The following PTPRD variants were observed in gnomAD, a reference collection of about 807,000 sequenced individuals.
The protein encoded by PTPRD is receptor-type tyrosine-protein phosphatase delta.
A neutral mutation model predicts 214.5 loss-of-function variants in PTPRD; 34 were observed. The observed-to-expected ratio is 0.16, with a 90% CI of 0.12 to 0.21. PTPRD has a LOEUF of 0.21. PTPRD is among the 10% of genes least tolerant of loss of function. PTPRD has a pLI of 1.00. For missense variants in PTPRD, 2,545 were observed against 2,398.7 expected, an observed-to-expected ratio of 1.06 and a Z score of -1.27; for synonymous variants, 1,128 against 845.7, an observed-to-expected ratio of 1.33 and a Z score of -5.79.
chr9:10,236,259 G>A (rs554173649), intron 3 of PTPRD, among the ~76,000 whole-genome samples: 1 of 151,962 alleles, frequency 6.6e-6, no homozygotes, highest in Admixed American at 6.6e-5. Context: ...GATTTAATTG[G>A]CAAATGGATC....
intron 11 of PTPRD, among the ~76,000 whole-genome samples, chr9:8,873,437 G>A (rs2098336296): frequency 6.6e-6 from 1 of 152,144 alleles, no homozygotes. Context: ...GATTGAAGAG[G>A]ATTGATTTCC....
intron 8 of PTPRD, among the ~76,000 whole-genome samples, chr9:9,449,880 C>G (rs1006434571): frequency 2.6e-5 from 4 of 151,878 alleles, no homozygotes; most frequent in African/African-American, 9.7e-5. Context: ...TTATCCCTCA[C>G]TCCAACCCAC....
At chr9:9,406,735 A>G (rs1013202409) in intron 8 of PTPRD, among the ~76,000 whole-genome samples, 5 of 151,872 alleles carry the variant, frequency 3.3e-5, no homozygotes, top group African/African-American at 1.2e-4. Context: ...GCTTGAGGAA[A>G]GAGTCTGTGG....
At chr9:9,600,462 C>T (rs1009221839) in intron 7 of PTPRD, among the ~76,000 whole-genome samples, 45 of 152,052 alleles carry the variant, frequency 3.0e-4, no homozygotes, top group African/African-American at 7.2e-4. Context: ...GGTACATCAT[C>T]GAGAATCAAC....
At chr9:10,475,476 T>C (rs1200287716) in intron 2 of PTPRD, among the ~76,000 whole-genome samples, 1 of 151,836 alleles carries the variant, frequency 6.6e-6, no homozygotes, top group Non-Finnish European at 1.5e-5. Flanking sequence ...AGTTCTGAAA[T>C]TGAGGAAATA....
chr9:10,258,794 G>C (rs1418413518), intron 3 of PTPRD, among the ~76,000 whole-genome samples: 1 of 151,946 alleles, frequency 6.6e-6, no homozygotes, highest in African/African-American at 2.4e-5. Flanking sequence ...AAAACAAGTG[G>C]TTAAAAATTC....
intron 5 of PTPRD, among the ~76,000 whole-genome samples, chr9:9,908,793 G>C (rs896262528): frequency 6.6e-6 from 1 of 151,772 alleles, no homozygotes; most frequent in African/African-American, 2.4e-5. Context: ...ACTTATCTTT[G>C]GGAAGTTTTT....
At chr9:9,978,319 G>C (rs979285232) in intron 4 of PTPRD, among the ~76,000 whole-genome samples, 1 of 152,030 alleles carries the variant, frequency 6.6e-6, no homozygotes, top group Non-Finnish European at 1.5e-5. Context: ...GGAGAACATA[G>C]ATTAAAAGAT....
chr9:9,559,419 TC>T (rs1416819731), intron 8 of PTPRD, among the ~76,000 whole-genome samples: 2 of 152,218 alleles, frequency 1.3e-5, no homozygotes, highest in Non-Finnish European at 2.9e-5. Flanking sequence ...TTCCAACTGC[TC>T]CAGCATTGTT....
intron 5 of PTPRD, among the ~76,000 whole-genome samples, chr9:9,864,320 G>C (rs964999526): frequency 2.0e-5 from 3 of 147,184 alleles, no homozygotes; most frequent in African/African-American, 7.8e-5. Flanking sequence ...AAAAGAAAAA[G>C]AGAAAGATTA....
At chr9:8,847,743 A>T (rs2097726853) in intron 11 of PTPRD, among the ~76,000 whole-genome samples, 1 of 124,826 alleles carries the variant, frequency 8.0e-6, no homozygotes, top group Non-Finnish European at 1.6e-5. Flanking sequence ...AAACTATTAT[A>T]AAATAGGTTA....
Position 10,282,318 on chromosome 9 carries a change from T to A in PTPRD, c.-545+58645A>T, listed in dbSNP as rs371619520. Among the ~76,000 whole-genome samples the A allele has an allele frequency of 2.0e-5, 3 of 152,186 alleles. No homozygotes were observed. The South Asian group carries it at 6.2e-4, about 32-fold the overall frequency. On this transcript the variant is annotated intron_variant, in intron 3 of 45. Transcript: ENST00000381196. ...TATGGAAATGCTTTTTGAGAATGAA[T>A]GTTAATTGTTCAATACAGAACTTTG...
At chr9:8,827,668 C>T (rs2097203701) in intron 11 of PTPRD, among the ~76,000 whole-genome samples, 2 of 152,032 alleles carry the variant, frequency 1.3e-5, no homozygotes, top group Non-Finnish European at 2.9e-5. Context: ...TTTTTCCCCT[C>T]ATAAAGTAAT....
In PTPRD at chr9:8,526,272, A is replaced by G. The variant is rs2074106810; in HGVS notation, c.568+355T>C. On this transcript the variant is annotated intron_variant, in intron 17 of 45. Coordinates refer to ENST00000381196, the MANE Select transcript of PTPRD (RefSeq NM_002839.4). ...GGACAAAAAAAAAGGAAAAAGAAGA[A>G]AAAAAAAAAGAAAAAGGAAAAAGGA... is the stretch of plus-strand genomic sequence containing the variant. Among the ~76,000 whole-genome samples, 6 of 149,778 alleles carry G rather than the reference A, an allele frequency of 4.0e-5. No homozygotes were observed. The South Asian group carries it at 1.3e-3, about 32-fold the overall frequency.
At chr9:8,692,403 C>G (rs1233953308) in intron 12 of PTPRD, among the ~76,000 whole-genome samples, 2 of 152,164 alleles carry the variant, frequency 1.3e-5, no homozygotes, top group Non-Finnish European at 2.9e-5. Context: ...TCTTCAGAAG[C>G]CACCTCCATT....
chr9:9,497,942 A>T (rs1285424782), intron 8 of PTPRD, among the ~76,000 whole-genome samples: 1 of 152,166 alleles, frequency 6.6e-6, no homozygotes, highest in Non-Finnish European at 1.5e-5. Context: ...AGGTCAATTT[A>T]AATGATTCAC....
intron 9 of PTPRD, among the ~76,000 whole-genome samples, chr9:9,317,227 G>A (rs1178424266): frequency 6.6e-6 from 1 of 152,040 alleles, no homozygotes; most frequent in African/African-American, 2.4e-5. Context: ...TTCCAAGAAT[G>A]GCATTACTCA....
chr9:8,439,935 ATTTTTTTTTTTTTT>A (rs1166530719), intron 34 of PTPRD, among the ~76,000 whole-genome samples: 15 of 73,322 alleles, frequency 2.0e-4, no homozygotes, highest in Middle Eastern at 0.011. Flanking sequence ...ATGTGCTTTA[ATTTTTTTTTTTTTT>A]TTTTTTTTTT....
At chr9:9,693,466 C>G (rs761271204) in intron 7 of PTPRD, among the ~76,000 whole-genome samples, 3 of 152,110 alleles carry the variant, frequency 2.0e-5, no homozygotes, top group Non-Finnish European at 2.9e-5. Flanking sequence ...CCGCCATGTG[C>G]AACTATGAGT....
Sources: gnomAD v4.1 joint callset for allele counts (sites outside exome capture counted in the v4.1 genomes callset) on GRCh38, gnomAD v4.1.1 for gene constraint, MANE v1.5 for transcripts, NCBI Gene and HGNC (gene_info 2026-07-23, HGNC 2026-07-21) for gene names.